Variants in CDH26 observed in about 807,000 individuals in gnomAD.
The protein encoded by CDH26 is cadherin 26.
CDH26 carries 83 observed loss-of-function variants against 90.3 expected under a neutral mutation model. That is an observed-to-expected ratio of 0.92 (90% CI 0.77 to 1.10). The LOEUF is 1.10. CDH26 is among the 50% of genes least tolerant of loss of function. CDH26 has a pLI of 0.00. For missense variants in CDH26, 1,013 were observed against 1,037.6 expected (o/e 0.98, Z 0.33); for synonymous variants, 397 against 396.3 (o/e 1.00, Z -0.02).
chr20:60,005,667 G>A (rs1049000783), intron 16 of CDH26, among the ~76,000 whole-genome samples: 1 of 152,122 alleles, frequency 6.6e-6, no homozygotes, highest in East Asian at 1.9e-4. Context: ...AACACAAATT[G>A]TATGTCACTC....
downstream of CDH26, among the ~76,000 whole-genome samples, chr20:60,015,053 G>A (rs969609980): frequency 6.6e-6 from 1 of 152,218 alleles, no homozygotes; most frequent in African/African-American, 2.4e-5. Flanking sequence ...TGCAATCTCA[G>A]CTCACTGCAA....
chr20:59,989,143 G>T lies in CDH26; in HGVS notation c.1263G>T (p.Met421Ile), dbSNP rs1432712314. 6.2e-7 allele frequency: 1 copy of T among 1,614,188 alleles called. No homozygotes were observed. The highest frequency in any genetic ancestry group is 1.7e-5 in the Admixed American group (1 of 60,028). ...PGTLLGTFNA[M>I]DPDSQIRYEL... The stretch of plus-strand genomic sequence containing the variant: ...CCCTGTTGGGAACTTTTAATGCCAT[G>T]GATCCAGACAGCCAGATAAGGTGAG... Residue 421 changes from methionine (M) to isoleucine (I), a missense_variant, in exon 9 of 18, where the codon ATG becomes ATT. Physicochemically the swap from Met to Ile is conservative, Grantham distance 10. Transcript: ENST00000348616.
intron 4 of CDH26, among the ~76,000 whole-genome samples, chr20:59,973,855 A>G (rs1340359388): frequency 6.6e-6 from 1 of 152,224 alleles, no homozygotes; most frequent in African/African-American, 2.4e-5. Context: ...CAATGAACAT[A>G]CCCATGCATA....
rs182309774 is a variant in CDH26, at chr20:60,007,302, C to T, written c.2295+515C>T. On this transcript the variant is annotated intron_variant, in intron 17 of 17. Transcript: ENST00000348616. ...AAATCCTCCATCCAGTGCTGCTTTG[C>T]AGAACCCAACTGAAGACAGAATTGA... 2.0e-4 allele frequency among the ~76,000 whole-genome samples: 31 copies of T among 152,318 alleles called. No individual in the cohort carries two copies. The East Asian group carries it at 5.6e-3, about 28-fold the overall frequency.
intron 7 of CDH26, among the ~76,000 whole-genome samples, chr20:60,027,554 AGT>A: frequency 6.6e-6 from 1 of 152,290 alleles, no homozygotes; most frequent in South Asian, 2.1e-4. Context: ...TTGCCTAGGT[AGT>A]GTTGAGTTTG....
chr20:59,989,251 G>C (rs1162748412), intron 9 of CDH26, 88 bp downstream of exon 9: 2 of 1,544,186 alleles, frequency 1.3e-6, no homozygotes, highest in Non-Finnish European at 1.7e-6. Flanking sequence ...CAGCTCGGCC[G>C]GGCGCGGTGG....
At chr20:59,976,938 C>T (rs146086087) in intron 4 of CDH26, among the ~76,000 whole-genome samples, 2 of 152,036 alleles carry the variant, frequency 1.3e-5, no homozygotes, top group South Asian at 4.2e-4. Flanking sequence ...CTTAGAGGCC[C>T]CCTGGGAGGG....
chr20:59,994,920 T>C (rs1434026464), intron 11 of CDH26, among the ~76,000 whole-genome samples: 1 of 152,186 alleles, frequency 6.6e-6, no homozygotes, highest in Admixed American at 6.5e-5. Context: ...CACCCTCTCC[T>C]GATTCATACT....
chr20:59,992,257 C>A lies in CDH26; in HGVS notation c.1284-121C>A. The A allele has an allele frequency of 1.0e-6, 1 of 958,628 alleles. No individual in the cohort carries two copies. Among genetic ancestry groups the A allele is most frequent in the South Asian group, 1.6e-5 (1 of 64,008 alleles). 59.4% of individuals were successfully genotyped at this position (958,628 alleles called of 1,614,324 possible). The stretch of plus-strand genomic sequence containing the variant: ...CGTAGTTTAATTGCTCTTAGAATTT[C>A]TCAAATTACTTGTGGTAGAAATAGT... On this transcript the variant is annotated intron_variant, in intron 9 of 17. Coordinates refer to ENST00000348616, the MANE Select transcript of CDH26 (RefSeq NM_177980.4). The surrounding 1 kb of genome is among the most constrained non-coding windows in gnomAD (Gnocchi z 5.0).
chr20:59,986,491 CTCTT>C (rs2061459969), intron 7 of CDH26, among the ~76,000 whole-genome samples: 1 of 152,126 alleles, frequency 6.6e-6, no homozygotes, highest in Non-Finnish European at 1.5e-5. Flanking sequence ...TCTCCTGACT[CTCTT>C]TCTTGACTAC....
chr20:59,992,283 G>T lies in CDH26; in HGVS notation c.1284-95G>T. On this transcript the variant is annotated intron_variant, in intron 9 of 17. Coordinates refer to ENST00000348616, the MANE Select transcript of CDH26 (RefSeq NM_177980.4). This position sits in a 1 kb window ranked among gnomAD's most constrained non-coding sequence, Gnocchi z 5.0. Reference sequence around the variant, plus strand: ...TCAAATTACTTGTGGTAGAAATAGTGTTTCTATGACATATTTTGTTTTTTT... The same window carrying T: ...TCAAATTACTTGTGGTAGAAATAGTTTTTCTATGACATATTTTGTTTTTTT... 2 of 1,148,352 alleles carry T rather than the reference G, an allele frequency of 1.7e-6. No homozygotes were observed. Among genetic ancestry groups the T allele is most frequent in the Non-Finnish European group, 2.5e-6 (2 of 807,844 alleles). The allele number at this position is 1,148,352 out of a possible 1,614,324, so 71.1% of individuals were successfully genotyped here.
intron 13 of CDH26, among the ~76,000 whole-genome samples, chr20:59,997,509 A>G (rs1360789104): frequency 2.6e-5 from 4 of 152,270 alleles, no homozygotes; most frequent in Admixed American, 2.0e-4. Flanking sequence ...TAATTGGCCA[A>G]TGGCCACTGG....
chr20:60,029,790 C>T (rs1037017095), intron 7 of CDH26, among the ~76,000 whole-genome samples: 1 of 152,118 alleles, frequency 6.6e-6, no homozygotes, highest in Admixed American at 6.6e-5. Context: ...CCAGCTTCAT[C>T]CACATCCCCG....
Position 60,002,802 on chromosome 20 carries a change from CT to C in CDH26, c.2167-8del, listed in dbSNP as rs778334622. 2.7e-5 allele frequency: 42 copies of C among 1,580,826 alleles called. 1 individual carries two copies. The Middle Eastern group carries it at 5.6e-4, about 21-fold the overall frequency. On this transcript the variant is annotated splice_polypyrimidine_tract_variant and intron_variant, in intron 15 of 17. Coordinates refer to ENST00000348616, the MANE Select transcript of CDH26 (RefSeq NM_177980.4). ...TATTTGAAATCAGTAAATATTTCAT[CT>C]TTCTTTAAGGGTTATGGCAAGCCCT...
At chr20:59,978,995 A>G (rs1225521603) in intron 4 of CDH26, among the ~76,000 whole-genome samples, 3 of 152,148 alleles carry the variant, frequency 2.0e-5, no homozygotes, top group Admixed American at 2.0e-4. Flanking sequence ...TAGTTCTAAG[A>G]GTTTTGACAA....
At chr20:59,965,286 C>T (rs781415696) in intron 1 of CDH26, among the ~76,000 whole-genome samples, 7 of 152,176 alleles carry the variant, frequency 4.6e-5, no homozygotes, top group African/African-American at 1.2e-4. Flanking sequence ...TAGATTCTGA[C>T]GCGGACGAGC....
chr20:59,967,905 C>CTTCCTTCCT (rs1569024464), intron 1 of CDH26, among the ~76,000 whole-genome samples: 43 of 112,172 alleles, frequency 3.8e-4, no homozygotes, highest in Non-Finnish European at 5.6e-4. Flanking sequence ...TCCTTCCTTC[C>CTTCCTTCCT]TTCCTTTCCT....
chr20:59,978,887 C>A (rs1033065737), intron 4 of CDH26, among the ~76,000 whole-genome samples: 14 of 152,028 alleles, frequency 9.2e-5, no homozygotes, highest in African/African-American at 3.1e-4. Context: ...ACCTGAGAAC[C>A]CTCAACTGCC....
At chr20:60,033,001 TA>T (rs138384369) in intron 8 of CDH26, among the ~76,000 whole-genome samples, 24 of 147,292 alleles carry the variant, frequency 1.6e-4, no homozygotes, top group South Asian at 4.3e-4. Context: ...AGTATAATAA[TA>T]AAAAAAAAAG....
Sources: allele counts gnomAD v4.1 joint callset (sites outside exome capture counted in the v4.1 genomes callset), GRCh38; gene constraint gnomAD v4.1.1; non-coding constraint Gnocchi (gnomAD v3.1); transcripts MANE v1.5; gene names NCBI Gene and HGNC (gene_info 2026-07-23, HGNC 2026-07-21).